Variants in ASTN2 observed in about 807,000 individuals in gnomAD.
ASTN2 encodes astrotactin-2.
ASTN2 carries 54 observed loss-of-function variants against 139.8 expected under a neutral mutation model. That is an observed-to-expected ratio of 0.39 (90% CI 0.31 to 0.48). ASTN2 has a LOEUF of 0.48. Among genes scored for constraint, ASTN2 ranks in the 20% least tolerant of loss-of-function variants. The probability of loss-of-function intolerance (pLI) is 0.95; values close to 1 mark genes in which losing one functional copy is unlikely to be tolerated. For missense variants in ASTN2, 1,565 were observed against 1,725.1 expected, an observed-to-expected ratio of 0.91 and a Z score of 1.64; for synonymous variants, 756 against 719.5, an observed-to-expected ratio of 1.05 and a Z score of -0.81.
chr9:116,932,834 C>T (rs185985048), intron 10 of ASTN2, among the ~76,000 whole-genome samples: 14 of 151,836 alleles, frequency 9.2e-5, no homozygotes, highest in African/African-American at 2.9e-4. Context: ...GGCGAAACCC[C>T]GTCTCTACTA....
At chr9:117,176,811 A>T (rs1388457976) in intron 3 of ASTN2, among the ~76,000 whole-genome samples, 1 of 152,188 alleles carries the variant, frequency 6.6e-6, no homozygotes, top group Non-Finnish European at 1.5e-5. Context: ...GTACTCCTGT[A>T]GTCCCAGCTA....
chr9:116,794,904 G>A (rs1440190400), intron 13 of ASTN2, among the ~76,000 whole-genome samples: 2 of 152,186 alleles, frequency 1.3e-5, no homozygotes, highest in Non-Finnish European at 2.9e-5. Context: ...TATGCTGTTT[G>A]AAAGGGCCTC....
intron 19 of ASTN2, among the ~76,000 whole-genome samples, chr9:116,553,787 A>G (rs1168065117): frequency 6.6e-6 from 1 of 152,190 alleles, no homozygotes; most frequent in African/African-American, 2.4e-5. Flanking sequence ...TCTCTTAGAC[A>G]GTCTGGGAAA....
At chr9:117,286,502 T>G (rs1022074168) in intron 2 of ASTN2, among the ~76,000 whole-genome samples, 1 of 152,082 alleles carries the variant, frequency 6.6e-6, no homozygotes, top group African/African-American at 2.4e-5. Flanking sequence ...GCTTCCCACT[T>G]TCTAAATAAG....
chr9:116,561,345 A>G (rs149313068), intron 19 of ASTN2, among the ~76,000 whole-genome samples: 334 of 152,284 alleles, frequency 2.2e-3, no homozygotes, highest in African/African-American at 7.6e-3. Flanking sequence ...AAGTTCAATA[A>G]ATCTTCATTA....
chr9:116,533,497 T>G (rs1851461672), intron 19 of ASTN2, among the ~76,000 whole-genome samples: 1 of 152,194 alleles, frequency 6.6e-6, no homozygotes, highest in Admixed American at 6.5e-5. Context: ...GGCTGTGGGT[T>G]TGTCATAAAT....
intron 11 of ASTN2, among the ~76,000 whole-genome samples, chr9:116,836,580 T>G (rs1376374925): frequency 8.6e-6 from 1 of 116,842 alleles, no homozygotes; most frequent in East Asian, 3.1e-4. Context: ...AGTTTTGTTT[T>G]GTTTTGTTTT....
At chr9:117,094,982 T>C (rs1320936548) in intron 5 of ASTN2, among the ~76,000 whole-genome samples, 1 of 152,172 alleles carries the variant, frequency 6.6e-6, no homozygotes, top group Non-Finnish European at 1.5e-5. Flanking sequence ...CCACTGTGCA[T>C]GGATAGAATG....
At chr9:117,235,749 A>G (rs1833026547) in intron 2 of ASTN2, among the ~76,000 whole-genome samples, 1 of 152,140 alleles carries the variant, frequency 6.6e-6, no homozygotes, top group East Asian at 1.9e-4. Flanking sequence ...TAATATTTCA[A>G]TGCAACTCTT....
rs1002092643 is a variant in ASTN2 at position 116,820,923 on chromosome 9, T to C, written c.2041-140A>G. ...GTCTCCTTTTGTCAGTTAATAACTT[T>C]GTGACAAGTTCCACAAGTCCCTTTA... On this transcript the variant is annotated intron_variant, in intron 11 of 22. Coordinates refer to ENST00000313400, the MANE Select transcript of ASTN2 (RefSeq NM_001365068.1). The C allele has an allele frequency of 3.3e-6, 3 of 905,266 alleles. No individual in the cohort carries two copies. The African/African-American group carries it at 5.1e-5, about 15-fold the overall frequency. The allele number at this position is 905,266 out of a possible 1,614,324, so 56.1% of individuals were successfully genotyped here. A position where few individuals can be genotyped will look rare whatever the true frequency, so the allele number is the denominator to read the frequency against.
chr9:116,797,205 A>G (rs926480243), intron 13 of ASTN2, among the ~76,000 whole-genome samples: 1 of 152,126 alleles, frequency 6.6e-6, no homozygotes, highest in Non-Finnish European at 1.5e-5. Context: ...ACTAGTATAT[A>G]CTTATCTCCA....
chr9:117,362,972 G>C (rs1829734072), intron 1 of ASTN2, among the ~76,000 whole-genome samples: 1 of 152,018 alleles, frequency 6.6e-6, no homozygotes, highest in South Asian at 2.1e-4. Context: ...CTACCCTCTT[G>C]GTGTGTGTGT....
At chr9:117,309,025 A>G (rs1364297312) in intron 1 of ASTN2, among the ~76,000 whole-genome samples, 1 of 152,226 alleles carries the variant, frequency 6.6e-6, no homozygotes, top group Non-Finnish European at 1.5e-5. Context: ...CAAGCCTATT[A>G]TGCATGTTTT....
chr9:117,205,865 A>T (rs1246003651), intron 3 of ASTN2, among the ~76,000 whole-genome samples: 1 of 152,240 alleles, frequency 6.6e-6, no homozygotes, highest in East Asian at 1.9e-4. Context: ...TCTAAAGGAA[A>T]ATAGCTAAAT....
chr9:116,889,476 C>T (rs545291199), intron 10 of ASTN2, among the ~76,000 whole-genome samples: 1 of 152,072 alleles, frequency 6.6e-6, no homozygotes, highest in Non-Finnish European at 1.5e-5. Flanking sequence ...TCTAATGAGG[C>T]CAATCCCACT....
intron 3 of ASTN2, among the ~76,000 whole-genome samples, chr9:117,165,254 A>G (rs1404331389): frequency 1.3e-5 from 2 of 152,084 alleles, no homozygotes; most frequent in African/African-American, 2.4e-5. Context: ...CATGCCTTGT[A>G]TGATTTTAGT....
chr9:116,473,856 C>T (rs1433238297), intron 20 of ASTN2, among the ~76,000 whole-genome samples: 4 of 151,536 alleles, frequency 2.6e-5, no homozygotes, highest in South Asian at 4.2e-4. Context: ...GGGCTGAGAT[C>T]GCACCACTGC....
chr9:117,278,724 G>C (rs1000314212), intron 2 of ASTN2, among the ~76,000 whole-genome samples: 4 of 152,154 alleles, frequency 2.6e-5, no homozygotes, highest in Non-Finnish European at 4.4e-5. Context: ...CCCTTGAGCT[G>C]GGAACATTAG....
chr9:116,650,016 C>T (rs700149), intron 17 of ASTN2, among the ~76,000 whole-genome samples: 1 of 152,076 alleles, frequency 6.6e-6, no homozygotes, highest in African/African-American at 2.4e-5. Context: ...TCTCCCATGC[C>T]TTCTCTTTCC....
Sources: gnomAD v4.1 joint callset for allele counts (sites outside exome capture counted in the v4.1 genomes callset) on GRCh38, gnomAD v4.1.1 for gene constraint, MANE v1.5 for transcripts, NCBI Gene and HGNC (gene_info 2026-07-23, HGNC 2026-07-21) for gene names.